KRT81: variants seen among roughly 807,000 people sequenced by gnomAD.
KRT81 encodes the protein keratin, type II cuticular Hb1.
KRT81 carries 35 observed loss-of-function variants against 35.8 expected under a neutral mutation model. The ratio of observed to expected loss-of-function variants is 0.98; its 90% CI spans 0.75 to 1.30. The LOEUF (loss-of-function observed/expected upper bound fraction) is 1.30, where lower values mean the gene tolerates loss of function less well. Among genes scored for constraint, KRT81 ranks in the 50% most tolerant of loss-of-function variants. The pLI is 0.00. For missense variants in KRT81, 531 were observed against 577.4 expected (o/e 0.92, Z 0.82); for synonymous variants, 249 against 251.2 (o/e 0.99, Z 0.08).
rs372431210 is a variant in KRT81 at position 52,287,983 on chromosome 12, C to T, written c.900+1G>A. On this transcript the variant is annotated splice_donor_variant, in intron 5 of 8. Coordinates refer to ENST00000327741, the MANE Select transcript of KRT81 (RefSeq NM_002281.4). LOFTEE classifies it high-confidence loss of function. ...GCAGGCAGGTGTCCTGTGCCACTCACCTTGCTGCGGTACCAGGACTCGGCC... is the reference window on the plus strand; with the variant it reads ...GCAGGCAGGTGTCCTGTGCCACTCATCTTGCTGCGGTACCAGGACTCGGCC... 1.2e-6 allele frequency: 2 copies of T among 1,614,090 alleles called. No homozygotes were observed. The highest frequency in any genetic ancestry group is 1.1e-5 in the South Asian group (1 of 91,078).
chr12:52,288,303 AC>A (rs1938026475), intron 4 of KRT81, 57 bp downstream of exon 4: 23 of 1,608,754 alleles, frequency 1.4e-5, no homozygotes, highest in South Asian at 2.2e-5. Context: ...CAACACTCCC[AC>A]CCCCAACTCT....
At chr12:52,287,782 C>T in intron 5 of KRT81, 61 bp from the exon 6 acceptor site, 6 of 1,613,854 alleles carry the variant, frequency 3.7e-6, no homozygotes, top group Non-Finnish European at 4.2e-6. Context: ...TTCAGGACAC[C>T]ACAGATGATT....
chr12:52,287,793 T>C (rs1185908421), intron 5 of KRT81, 72 bp from the exon 6 acceptor site: 6 of 1,613,484 alleles, frequency 3.7e-6, no homozygotes, highest in Middle Eastern at 1.7e-4. Context: ...ACAGATGATT[T>C]TGCAGGTTGT....
Position 52,286,457 on chromosome 12 carries a change from T to TC in KRT81, c.1315dup (p.Asp439GlyfsTer105). 6.4e-7 allele frequency: 1 copy of TC among 1,552,202 alleles called. No individual in the cohort carries two copies. The highest frequency in any genetic ancestry group is 8.7e-7 in the Non-Finnish European group (1 of 1,147,826). The stretch of plus-strand genomic sequence containing the variant: ...TGGCCGGGAGCCTGACACGCAGAGG[T>TC]CCCCGCACACGACCCCGCCCCGGGA... On this transcript the variant is annotated frameshift_variant, in exon 9 of 9. Coordinates refer to ENST00000327741, the MANE Select transcript of KRT81 (RefSeq NM_002281.4). LOFTEE classifies it low-confidence loss of function (END_TRUNC).
At position 52,286,391 on chromosome 12, in the gene KRT81, A is replaced by G. The variant is rs1336607247; in HGVS notation, c.1382T>C (p.Val461Ala). Residue 461 changes from valine to alanine, a missense_variant, in exon 9 of 9, where the codon GTG becomes GCG. By Grantham distance (64) the Val-to-Ala change is moderately conservative. This residue lies in a region of KRT81 where 150 missense variants were observed against 145.4 expected (regional missense o/e 1.03). Transcript: ENST00000327741. ...CGCACACAGGCCGGTGCTCACCGCC[A>G]CGTTCCCGTTGCACGGAGCGCTGCA... ...SVCSAPCNGN[V>A]AVSTGLCAPC... The G allele has an allele frequency of 2.1e-5, 32 of 1,555,130 alleles. No homozygotes were observed. Among genetic ancestry groups the G allele is most frequent in the Non-Finnish European group, 2.7e-5 (31 of 1,149,144 alleles).
At chr12:52,287,070 G>A in intron 7 of KRT81, 32 bp downstream of exon 7, 1 of 1,612,618 alleles carries the variant, frequency 6.2e-7, no homozygotes, top group Non-Finnish European at 8.5e-7. Context: ...GATGGGGAAG[G>A]GTGGTTCTGG....
rs138218894 is a variant in KRT81 at position 52,286,643 on chromosome 12, G to A, written c.1279+148C>T. On this transcript the variant is annotated intron_variant, in intron 8 of 8. Coordinates refer to ENST00000327741, the MANE Select transcript of KRT81 (RefSeq NM_002281.4). The stretch of plus-strand genomic sequence containing the variant: ...AGGTCCATCTAGTCCAAGAGCTGGG[G>A]TCTTTTGGATGTCTGACCCCAAATC... The A allele has an allele frequency of 4.2e-4, 499 of 1,174,792 alleles. 1 individual carries two copies. In the African/African-American group the frequency reaches 7.2e-3, roughly 17 times the overall value. 72.8% of individuals were successfully genotyped at this position (1,174,792 alleles called of 1,614,324 possible).
rs1391561977 is a variant in KRT81, at chr12:52,288,031, T to C, written c.853A>G (p.Ile285Val). Reference sequence around the variant, plus strand: ...GCCTCGGCCCGGCTGCGGGTGACAATGTCGTCATACTGTGCCTTAATCTCG... The same window carrying C: ...GCCTCGGCCCGGCTGCGGGTGACAACGTCGTCATACTGTGCCTTAATCTCG... ...IAEIKAQYDD[I>V]VTRSRAEAES... Residue 285 changes from isoleucine (I) to valine (V), a missense_variant, in exon 5 of 9, where the codon ATT becomes GTT. Physicochemically the swap from Ile to Val is conservative, Grantham distance 29 (BLOSUM62 3). Around this residue, in one of 5 missense-constraint regions of KRT81, gnomAD observed 194 missense variants for 198.2 expected, o/e 0.98. Transcript: ENST00000327741. 1 of 1,614,206 alleles carries C rather than the reference T, an allele frequency of 6.2e-7. No individual in the cohort carries two copies. The highest frequency in any genetic ancestry group is 2.2e-5 in the East Asian group (1 of 44,886).
At chr12:52,288,581 T>C in intron 3 of KRT81, 125 bp from the exon 4 acceptor site, 1 of 1,152,604 alleles carries the variant, frequency 8.7e-7, no homozygotes, top group Non-Finnish European at 1.3e-6. Context: ...CCCATGCCTT[T>C]CCTCCCCTTC....
chr12:52,286,133 G>T lies in KRT81; in HGVS notation c.*122C>A. The T allele has an allele frequency of 1.2e-6, 1 of 813,534 alleles. No individual in the cohort carries two copies. Among genetic ancestry groups the T allele is most frequent in the Non-Finnish European group, 2.1e-6 (1 of 483,236 alleles). The allele number at this position is 813,534 out of a possible 1,614,324, so 50.4% of individuals were successfully genotyped here. A position where few individuals can be genotyped will look rare whatever the true frequency, so the allele number is the denominator to read the frequency against. On this transcript the variant is annotated 3_prime_UTR_variant, in exon 9 of 9. Coordinates refer to ENST00000327741, the MANE Select transcript of KRT81 (RefSeq NM_002281.4). ...CACAGAGAAATGTGAGGCCAGGAGT[G>T]GGAGGGGTCTTTCAAAGTGCAGGAG...
chr12:52,291,457 G>A lies in KRT81; in HGVS notation c.9C>T (p.Cys3=), dbSNP rs1191423555. The A allele has an allele frequency of 3.1e-6, 5 of 1,612,830 alleles. No homozygotes were observed. The African/African-American group carries it at 4.0e-5, about 13-fold the overall frequency. The change falls in exon 1 of 9, where the codon TGC becomes TGT. Residue 3 remains cysteine, a synonymous_variant. Transcript: ENST00000327741. MT[C]GSGFGGRAFS... is the part of the protein sequence containing the mutation. ...AGGCGCGCCCACCAAATCCTGATCC[G>A]CAGGTCATGATCCTCCTGGACGTTT...
At position 52,287,623 on chromosome 12, in the gene KRT81, C is replaced by T. The variant is rs557990688; in HGVS notation, c.999G>A (p.Thr333=). 2.2e-5 allele frequency: 36 copies of T among 1,613,964 alleles called. No homozygotes were observed. Among genetic ancestry groups the T allele is most frequent in the African/African-American group, 1.1e-4 (8 of 75,032 alleles). Residue 333 remains threonine (T), a synonymous_variant, in exon 6 of 9, where the codon ACG becomes ACA. Transcript: ENST00000327741. ...NELNRMIQRL[T]AEVENAKCQN... The stretch of plus-strand genomic sequence containing the variant: ...GGCACTTGGCATTCTCCACCTCGGC[C>T]GTCAGCCTTTGGATCATGCGGTTCA...
chr12:52,286,494 C>T lies in KRT81; in HGVS notation c.1280-1G>A. ...ACCCCGCCCCGGGAGCTGCTGACAC[C>T]TGTGAACCCCGAAGGCTGAGTCAAA... On this transcript the variant is annotated splice_acceptor_variant, in intron 8 of 8. Coordinates refer to ENST00000327741, the MANE Select transcript of KRT81 (RefSeq NM_002281.4). LOFTEE classifies it high-confidence loss of function. 1 of 1,552,170 alleles carries T rather than the reference C, an allele frequency of 6.4e-7. No homozygotes were observed. Among genetic ancestry groups the T allele is most frequent in the South Asian group, 1.2e-5 (1 of 84,156 alleles).
At chr12:52,287,516 A>C in intron 6 of KRT81, 80 bp downstream of exon 6, 1 of 1,612,886 alleles carries the variant, frequency 6.2e-7, no homozygotes, top group Non-Finnish European at 8.5e-7. Context: ...GAATGCTGAG[A>C]TCCAGGTAGG....
In KRT81 at chr12:52,286,982, G is replaced by A. The variant is rs59448276; in HGVS notation, c.1247+120C>T. ...CTCACACACCAGCCCTCCCCACACC[G>A]GAAGTGAATAATAATATTTTTTTCC... On this transcript the variant is annotated intron_variant, in intron 7 of 8. Coordinates refer to ENST00000327741, the MANE Select transcript of KRT81 (RefSeq NM_002281.4). The A allele has an allele frequency of 0.019, 29,496 of 1,574,526 alleles. 2,079 individuals are homozygous for A. The African/African-American group carries it at 0.2, about 11-fold the overall frequency.
In KRT81 at chr12:52,286,219, A is replaced by G. The variant is rs745373993; in HGVS notation, c.*36T>C. 3 of 1,530,316 alleles carry G rather than the reference A, an allele frequency of 2.0e-6. No individual in the cohort carries two copies. 94.8% of individuals were successfully genotyped at this position (1,530,316 alleles called of 1,614,324 possible). A position where few individuals can be genotyped will look rare whatever the true frequency, so the allele number is the denominator to read the frequency against. On this transcript the variant is annotated 3_prime_UTR_variant, in exon 9 of 9. Transcript: ENST00000327741. ...GATGGGCCAAGCAAGGCAGGGCAGGAAAGATGCCTGGGGCCTGGGACTTGA... is the reference window on the plus strand; with the variant it reads ...GATGGGCCAAGCAAGGCAGGGCAGGGAAGATGCCTGGGGCCTGGGACTTGA...
intron 6 of KRT81, 74 bp from the exon 7 acceptor site, chr12:52,287,396 C>A (rs1937982161): frequency 6.3e-7 from 1 of 1,590,932 alleles, no homozygotes; most frequent in Non-Finnish European, 8.6e-7. Flanking sequence ...TGAGACCACA[C>A]TCCCCACCAA....
chr12:52,288,017 G>C lies in KRT81; in HGVS notation c.867C>G (p.Ser289Arg). ...GGTACCAGGACTCGGCCTCGGCCCGGCTGCGGGTGACAATGTCGTCATACT... is the reference window on the plus strand; with the variant it reads ...GGTACCAGGACTCGGCCTCGGCCCGCCTGCGGGTGACAATGTCGTCATACT... ...KAQYDDIVTR[S>R]RAEAESWYRS... The change falls in exon 5 of 9, where the codon AGC becomes AGG. Residue 289 changes from serine (S) to arginine (R), a missense_variant. Ser to Arg is a moderately radical substitution (Grantham distance 110). Transcript: ENST00000327741. 1 of 1,614,240 alleles carries C rather than the reference G, an allele frequency of 6.2e-7. No homozygotes were observed. Among genetic ancestry groups the C allele is most frequent in the Non-Finnish European group, 8.5e-7 (1 of 1,180,052 alleles).
At position 52,288,791 on chromosome 12, in the gene KRT81, G is replaced by A. The variant is rs1204604083; in HGVS notation, c.640-335C>T. Among the ~76,000 whole-genome samples, 7 of 152,024 alleles carry A rather than the reference G, an allele frequency of 4.6e-5. No individual in the cohort carries two copies. In the South Asian group the frequency reaches 6.3e-4, roughly 14 times the overall value. The stretch of plus-strand genomic sequence containing the variant: ...TTCCTGTCCCCCACAAGTGCTCCAA[G>A]AGCCCAGTGGCTGCTCCTGGTTCTT... On this transcript the variant is annotated intron_variant, in intron 3 of 8. Coordinates refer to ENST00000327741, the MANE Select transcript of KRT81 (RefSeq NM_002281.4).
Sources: gnomAD v4.1 joint callset for allele counts (sites outside exome capture counted in the v4.1 genomes callset) on GRCh38, gnomAD v4.1.1 for gene constraint, gnomAD v4.1.1 regional missense constraint, MANE v1.5 for transcripts, NCBI Gene and HGNC (gene_info 2026-07-23, HGNC 2026-07-21) for gene names.